HPDL: variants seen among roughly 807,000 people sequenced by gnomAD.
HPDL encodes the protein 4-hydroxyphenylpyruvate dioxygenase like, also known as 4-hydroxyphenylpyruvate dioxygenase-like protein.
HPDL carries 7 observed loss-of-function variants against 9.8 expected under a neutral mutation model. That is an observed-to-expected ratio of 0.71 (90% confidence interval 0.41 to 1.34). HPDL has a LOEUF of 1.34. HPDL is among the 40% of genes most tolerant of loss of function. The pLI is 0.01. For missense variants in HPDL, 530 were observed against 495.1 expected (o/e 1.07, Z -0.67); for synonymous variants, 250 against 228.2 (o/e 1.10, Z -0.86).
rs72890567 is a variant in HPDL, at chr1:45,328,498, A to G, written c.*234A>G. 3.1e-3 allele frequency: 1,485 copies of G among 473,632 alleles called. 21 individuals are homozygous for G. Among genetic ancestry groups the G allele is most frequent in the African/African-American group, 0.025 (1,314 of 52,278 alleles). The allele number at this position is 473,632 out of a possible 1,614,324, so 29.3% of individuals were successfully genotyped here. On this transcript the variant is annotated 3_prime_UTR_variant, in exon 1 of 1. Coordinates refer to ENST00000334815, the MANE Select transcript of HPDL (RefSeq NM_032756.4). The stretch of plus-strand genomic sequence containing the variant: ...ATACAGTCTATAATAAATATGTAAG[A>G]TACAAAGAACAATAAAAGAATTACA...
rs2149081301 is a variant in HPDL at position 45,327,108 on chromosome 1, C to T, written c.-41C>T. On this transcript the variant is annotated 5_prime_UTR_variant, in exon 1 of 1. Coordinates refer to ENST00000334815, the MANE Select transcript of HPDL (RefSeq NM_032756.4). The surrounding 1 kb of genome is among the most constrained non-coding windows in gnomAD (Gnocchi z 6.3). ...CCCGAAGTCCCCAACCACAAGTAAG[C>T]GGCCCCAGAAGGACAAGTCTAGGTC... 2.0e-6 allele frequency: 3 copies of T among 1,508,384 alleles called. No individual in the cohort carries two copies. The highest frequency in any genetic ancestry group is 2.3e-5 in the East Asian group (1 of 43,542). The allele number at this position is 1,508,384 out of a possible 1,614,324, so 93.4% of individuals were successfully genotyped here.
chr1:45,327,936 C>T lies in HPDL; in HGVS notation c.788C>T (p.Thr263Met), dbSNP rs116004018. Residue 263 changes from threonine to methionine, a missense_variant, in exon 1 of 1, where the codon ACG becomes ATG. Coordinates refer to ENST00000334815, the MANE Select transcript of HPDL (RefSeq NM_032756.4). The surrounding 1 kb of genome is among the most constrained non-coding windows in gnomAD (Gnocchi z 6.3). ...GPGLQHVGLY[T>M]PNIVEATEGV... ...GGCCTGCAGCACGTGGGGCTGTATACGCCTAACATTGTGGAGGCCACTGAG... is the reference window on the plus strand; with the variant it reads ...GGCCTGCAGCACGTGGGGCTGTATATGCCTAACATTGTGGAGGCCACTGAG... The T allele has an allele frequency of 1.4e-5, 23 of 1,587,018 alleles. No homozygotes were observed. The highest frequency in any genetic ancestry group is 2.2e-5 in the East Asian group (1 of 44,684).
rs866965472 is a variant in HPDL, at chr1:45,327,691, C to T, written c.543C>T (p.His181=). 21 of 1,610,218 alleles carry T rather than the reference C, an allele frequency of 1.3e-5. No homozygotes were observed. The highest frequency in any genetic ancestry group is 1.8e-5 in the Non-Finnish European group (21 of 1,177,518). The stretch of plus-strand genomic sequence containing the variant: ...CCCCCACACTTTTGCGCTGGTTCCA[C>T]GACTGCCTGGGCTTTTGCCACTTGC... ...GSSPTLLRWF[H]DCLGFCHLPL... is the part of the protein sequence containing the mutation. The change falls in exon 1 of 1, where the codon CAC becomes CAT. Residue 181 remains histidine (H), a synonymous_variant. Transcript: ENST00000334815. The surrounding 1 kb of genome is among the most constrained non-coding windows in gnomAD (Gnocchi z 6.3).
chr1:45,327,433 G>T lies in HPDL; in HGVS notation c.285G>T (p.Leu95=). The change falls in exon 1 of 1, where the codon CTG becomes CTT. Residue 95 remains leucine, a synonymous_variant. Transcript: ENST00000334815. This position sits in a 1 kb window ranked among gnomAD's most constrained non-coding sequence, Gnocchi z 6.3. ...VADAGAATRE[L]AALGCSVPVP... is the part of the protein sequence containing the mutation. ...ACGCCGGCGCTGCAACCCGGGAGCT[G>T]GCAGCGCTGGGCTGCAGCGTGCCTG... 6.3e-7 allele frequency: 1 copy of T among 1,584,928 alleles called. No homozygotes were observed. Among genetic ancestry groups the T allele is most frequent in the African/African-American group, 1.3e-5 (1 of 74,592 alleles).
Position 45,327,363 on chromosome 1 carries a change from G to C in HPDL, c.215G>C (p.Arg72Pro). The C allele has an allele frequency of 3.8e-6, 6 of 1,582,788 alleles. No individual in the cohort carries two copies. The highest frequency in any genetic ancestry group is 4.3e-6 in the Non-Finnish European group (5 of 1,168,022). ...GAGCCGCTGTACGGCCTGGATCCGC[G>C]TCACGCCGTGCCCAGCGCCACAAAC... ...SGEPLYGLDP[R>P]HAVPSATNLC... The change falls in exon 1 of 1, where the codon CGT (arginine) becomes CCT (proline). Residue 72 changes from arginine (R) to proline (P), a missense_variant. Arg to Pro is a moderately radical substitution (Grantham distance 103). Transcript: ENST00000334815. This position sits in a 1 kb window ranked among gnomAD's most constrained non-coding sequence, Gnocchi z 6.3.
At position 45,327,023 on chromosome 1, in the gene HPDL, C is replaced by T; in HGVS notation, c.-126C>T. On this transcript the variant is annotated 5_prime_UTR_variant, in exon 1 of 1. It adds an upstream start codon to the 5' untranslated region. Transcript: ENST00000334815. The surrounding 1 kb of genome is among the most constrained non-coding windows in gnomAD (Gnocchi z 6.3). Reference sequence around the variant, plus strand: ...CTTCTTTCCGGAAGAAAGCGAGGAACGCGCTCTGCGGGGTGAGCCGGACTC... The same window carrying T: ...CTTCTTTCCGGAAGAAAGCGAGGAATGCGCTCTGCGGGGTGAGCCGGACTC... The T allele has an allele frequency of 2.1e-6, 2 of 968,488 alleles. No homozygotes were observed. The highest frequency in any genetic ancestry group is 2.8e-6 in the Non-Finnish European group (2 of 707,442). 60.0% of individuals were successfully genotyped at this position (968,488 alleles called of 1,614,324 possible). A position where few individuals can be genotyped will look rare whatever the true frequency, so the allele number is the denominator to read the frequency against.
Position 45,328,598 on chromosome 1 carries a change from A to G in HPDL, c.*334A>G. 1 of 266,380 alleles carries G rather than the reference A, an allele frequency of 3.8e-6. No individual in the cohort carries two copies. The highest frequency in any genetic ancestry group is 7.6e-6 in the Non-Finnish European group (1 of 131,080). 16.5% of individuals were successfully genotyped at this position (266,380 alleles called of 1,614,324 possible). On this transcript the variant is annotated 3_prime_UTR_variant, in exon 1 of 1. Coordinates refer to ENST00000334815, the MANE Select transcript of HPDL (RefSeq NM_032756.4). ...GCTGTGATTCTATTTCCTCCCACCC[A>G]CTCCTCAAATCCTGTCATTATTAGC... is the stretch of plus-strand genomic sequence containing the variant.
chr1:45,327,936 CGCCTAA>C lies in HPDL; in HGVS notation c.789_794del (p.Pro264_Asn265del). On this transcript the variant is annotated inframe_deletion, in exon 1 of 1. Transcript: ENST00000334815. This position sits in a 1 kb window ranked among gnomAD's most constrained non-coding sequence, Gnocchi z 6.3. Reference sequence around the variant, plus strand: ...GGCCTGCAGCACGTGGGGCTGTATACGCCTAACATTGTGGAGGCCACTGAGGGGGTG... The same window carrying C: ...GGCCTGCAGCACGTGGGGCTGTATACCATTGTGGAGGCCACTGAGGGGGTG... 1 of 1,587,018 alleles carries C rather than the reference CGCCTAA, an allele frequency of 6.3e-7. No individual in the cohort carries two copies. Among genetic ancestry groups the C allele is most frequent in the Non-Finnish European group, 8.6e-7 (1 of 1,165,954 alleles).
Position 45,327,296 on chromosome 1 carries a change from G to C in HPDL, c.148G>C (p.Gly50Arg). The C allele has an allele frequency of 6.3e-7, 1 of 1,585,180 alleles. No individual in the cohort carries two copies. Among genetic ancestry groups the C allele is most frequent in the Non-Finnish European group, 8.6e-7 (1 of 1,167,710 alleles). The change falls in exon 1 of 1, where the codon GGC becomes CGC. Residue 50 changes from glycine (G) to arginine (R), a missense_variant. By Grantham distance (125) the Gly-to-Arg change is moderately radical. Transcript: ENST00000334815. This position sits in a 1 kb window ranked among gnomAD's most constrained non-coding sequence, Gnocchi z 6.3. Reference sequence around the variant, plus strand: ...CTGGCGGCAGCTAGCCCTGCGCAGCGGCGACGCGGTCTTTTTGGTGAACGA... The same window carrying C: ...CTGGCGGCAGCTAGCCCTGCGCAGCCGCGACGCGGTCTTTTTGGTGAACGA... ...DGWRQLALRS[G>R]DAVFLVNEGA... is the part of the protein sequence containing the mutation.
rs1458613303 is a variant in HPDL, at chr1:45,327,602, G to A, written c.454G>A (p.Ala152Thr). 2 of 1,611,878 alleles carry A rather than the reference G, an allele frequency of 1.2e-6. No homozygotes were observed. Among genetic ancestry groups the A allele is most frequent in the African/African-American group, 1.3e-5 (1 of 74,938 alleles). The change falls in exon 1 of 1, where the codon GCG becomes ACG. Residue 152 changes from alanine (A) to threonine (T), a missense_variant. Ala to Thr is a moderately conservative substitution (Grantham distance 58, BLOSUM62 0). Transcript: ENST00000334815. This position sits in a 1 kb window ranked among gnomAD's most constrained non-coding sequence, Gnocchi z 6.3. ...ACCCGGCTTCAGGCCCGTGTCCTCT[G>A]CGCCTGGCCCCGGGTGGGTCAGCCG... is the stretch of plus-strand genomic sequence containing the variant. Reference protein sequence around the residue: ...FLPGFRPVSSAPGPGWVSRVD... With the variant: ...FLPGFRPVSSTPGPGWVSRVD...
Position 45,327,540 on chromosome 1 carries a change from C to T in HPDL, c.392C>T (p.Thr131Ile), listed in dbSNP as rs1644249975. 1 of 1,607,448 alleles carries T rather than the reference C, an allele frequency of 6.2e-7. No homozygotes were observed. Among genetic ancestry groups the T allele is most frequent in the Non-Finnish European group, 8.5e-7 (1 of 1,179,604 alleles). Residue 131 changes from threonine (T) to isoleucine (I), a missense_variant, in exon 1 of 1, where the codon ACC (threonine) becomes ATC (isoleucine). Transcript: ENST00000334815. The surrounding 1 kb of genome is among the most constrained non-coding windows in gnomAD (Gnocchi z 6.3). Reference protein sequence around the residue: ...VSSPAGILSLTLLERAGYRGP... With the variant: ...VSSPAGILSLILLERAGYRGP... ...TCGCCTGCCGGCATCCTCAGCCTGA[C>T]CTTGCTGGAGCGCGCTGGCTACCGC... is the stretch of plus-strand genomic sequence containing the variant.
In HPDL at chr1:45,328,221, G is replaced by C; in HGVS notation, c.1073G>C (p.Trp358Ser). The change falls in exon 1 of 1, where the codon TGG becomes TCG. Residue 358 changes from tryptophan to serine, a missense_variant. By Grantham distance (177) the Trp-to-Ser change is radical. Coordinates refer to ENST00000334815, the MANE Select transcript of HPDL (RefSeq NM_032756.4). Reference protein sequence around the residue: ...GFGQGNIRALWQSVQEQSARS... With the variant: ...GFGQGNIRALSQSVQEQSARS... ...GGTCAGGGCAACATCAGAGCTCTGTGGCAGTCCGTACAGGAGCAATCTGCC... is the reference window on the plus strand; with the variant it reads ...GGTCAGGGCAACATCAGAGCTCTGTCGCAGTCCGTACAGGAGCAATCTGCC... The C allele has an allele frequency of 1.2e-6, 2 of 1,614,242 alleles. No homozygotes were observed. Among genetic ancestry groups the C allele is most frequent in the Non-Finnish European group, 1.7e-6 (2 of 1,180,040 alleles).
chr1:45,327,923 G>C lies in HPDL; in HGVS notation c.775G>C (p.Val259Leu). The C allele has an allele frequency of 1.3e-6, 2 of 1,570,900 alleles. No individual in the cohort carries two copies. Among genetic ancestry groups the C allele is most frequent in the South Asian group, 1.2e-5 (1 of 83,738 alleles). Residue 259 changes from valine (V) to leucine (L), a missense_variant, in exon 1 of 1, where the codon GTG becomes CTG. Val to Leu is a conservative substitution (Grantham distance 32). Transcript: ENST00000334815. This position sits in a 1 kb window ranked among gnomAD's most constrained non-coding sequence, Gnocchi z 6.3. ...ARHKGPGLQH[V>L]GLYTPNIVEA... ...GCACAAGGGGCCAGGCCTGCAGCACGTGGGGCTGTATACGCCTAACATTGT... is the reference window on the plus strand; with the variant it reads ...GCACAAGGGGCCAGGCCTGCAGCACCTGGGGCTGTATACGCCTAACATTGT...
In HPDL at chr1:45,327,400, C is replaced by A; in HGVS notation, c.252C>A (p.Asp84Glu). ...AVPSATNLCF[D>E]VADAGAATRE... Reference sequence around the variant, plus strand: ...CCAGCGCCACAAACCTGTGCTTCGACGTGGCGGACGCCGGCGCTGCAACCC... The same window carrying A: ...CCAGCGCCACAAACCTGTGCTTCGAAGTGGCGGACGCCGGCGCTGCAACCC... Residue 84 changes from aspartate to glutamate, a missense_variant, in exon 1 of 1, where the codon GAC becomes GAA. Asp to Glu is a conservative substitution (Grantham distance 45). Coordinates refer to ENST00000334815, the MANE Select transcript of HPDL (RefSeq NM_032756.4). The surrounding 1 kb of genome is among the most constrained non-coding windows in gnomAD (Gnocchi z 6.3). 3.8e-6 allele frequency: 6 copies of A among 1,585,040 alleles called. No individual in the cohort carries two copies. The highest frequency in any genetic ancestry group is 5.1e-6 in the Non-Finnish European group (6 of 1,170,800).
At position 45,327,622 on chromosome 1, in the gene HPDL, C is replaced by A. The variant is rs1570295180; in HGVS notation, c.474C>A (p.Val158=). The A allele has an allele frequency of 6.2e-7, 1 of 1,612,430 alleles. No homozygotes were observed. The highest frequency in any genetic ancestry group is 2.2e-5 in the East Asian group (1 of 44,878). The stretch of plus-strand genomic sequence containing the variant: ...CCTCTGCGCCTGGCCCCGGGTGGGT[C>A]AGCCGCGTGGACCACCTGACCTTGG... ...PVSSAPGPGW[V]SRVDHLTLAC... is the part of the protein sequence containing the mutation. Residue 158 remains valine, a synonymous_variant, in exon 1 of 1, where the codon GTC becomes GTA. Coordinates refer to ENST00000334815, the MANE Select transcript of HPDL (RefSeq NM_032756.4). This position sits in a 1 kb window ranked among gnomAD's most constrained non-coding sequence, Gnocchi z 6.3.
In HPDL at chr1:45,327,070, C is replaced by A; in HGVS notation, c.-79C>A. The A allele has an allele frequency of 1.4e-6, 2 of 1,441,160 alleles. No homozygotes were observed. The highest frequency in any genetic ancestry group is 1.9e-6 in the Non-Finnish European group (2 of 1,081,002). 89.3% of individuals were successfully genotyped at this position (1,441,160 alleles called of 1,614,324 possible). On this transcript the variant is annotated 5_prime_UTR_variant, in exon 1 of 1. Transcript: ENST00000334815. This position sits in a 1 kb window ranked among gnomAD's most constrained non-coding sequence, Gnocchi z 6.3. ...ACTCCCCAACTCCGGACGATCAGCC[C>A]AGGACTGAGAGCCCCGAAGTCCCCA... is the stretch of plus-strand genomic sequence containing the variant.
Position 45,327,877 on chromosome 1 carries a change from G to A in HPDL, c.729G>A (p.Gln243=), listed in dbSNP as rs746769836. 6.5e-7 allele frequency: 1 copy of A among 1,550,284 alleles called. No individual in the cohort carries two copies. Among genetic ancestry groups the A allele is most frequent in the Non-Finnish European group, 8.7e-7 (1 of 1,147,852 alleles). Residue 243 remains glutamine, a synonymous_variant, in exon 1 of 1, where the codon CAG becomes CAA. Transcript: ENST00000334815. This position sits in a 1 kb window ranked among gnomAD's most constrained non-coding sequence, Gnocchi z 6.3. ...SLPGATTRQD[Q]VEQFLARHKG... is the part of the protein sequence containing the mutation. ...CGGGGGCGACGACACGACAGGACCA[G>A]GTGGAGCAGTTCCTGGCCCGGCACA...
rs1317309466 is a variant in HPDL, at chr1:45,327,957, C to T, written c.809C>T (p.Thr270Ile). 1.9e-6 allele frequency: 3 copies of T among 1,600,486 alleles called. No homozygotes were observed. Among genetic ancestry groups the T allele is most frequent in the South Asian group, 1.1e-5 (1 of 88,678 alleles). Residue 270 changes from threonine (T) to isoleucine (I), a missense_variant, in exon 1 of 1, where the codon ACT becomes ATT. Thr to Ile is a moderately conservative substitution (Grantham distance 89, BLOSUM62 -1). Transcript: ENST00000334815. The surrounding 1 kb of genome is among the most constrained non-coding windows in gnomAD (Gnocchi z 6.3). Reference sequence around the variant, plus strand: ...TATACGCCTAACATTGTGGAGGCCACTGAGGGGGTGGCAACTGCTGGAGGC... The same window carrying T: ...TATACGCCTAACATTGTGGAGGCCATTGAGGGGGTGGCAACTGCTGGAGGC... The part of the protein sequence containing the change: ...GLYTPNIVEA[T>I]EGVATAGGQF...
Position 45,327,507 on chromosome 1 carries a change from T to C in HPDL, c.359T>C (p.Val120Ala). 6.2e-7 allele frequency: 1 copy of C among 1,601,040 alleles called. No homozygotes were observed. Among genetic ancestry groups the C allele is most frequent in the Non-Finnish European group, 8.5e-7 (1 of 1,178,668 alleles). The change falls in exon 1 of 1, where the codon GTG becomes GCG. Residue 120 changes from valine (V) to alanine (A), a missense_variant. Physicochemically the swap from Val to Ala is moderately conservative, Grantham distance 64. Transcript: ENST00000334815. The surrounding 1 kb of genome is among the most constrained non-coding windows in gnomAD (Gnocchi z 6.3). Reference protein sequence around the residue: ...RDAQGAATYAVVSSPAGILSL... With the variant: ...RDAQGAATYAAVSSPAGILSL... The stretch of plus-strand genomic sequence containing the variant: ...GCGCAGGGTGCCGCCACTTACGCCG[T>C]GGTCAGCTCGCCTGCCGGCATCCTC...
Sources: gnomAD v4.1 joint callset for allele counts on GRCh38, gnomAD v4.1.1 for gene constraint, Gnocchi (gnomAD v3.1) non-coding constraint, MANE v1.5 for transcripts, NCBI Gene and HGNC (gene_info 2026-07-23, HGNC 2026-07-21) for gene names.